NRCAM: variants seen among roughly 807,000 people sequenced by gnomAD.
The protein encoded by NRCAM is NgCAM-related cell adhesion molecule.
Under a neutral mutation model 156.5 loss-of-function variants are expected in NRCAM, and 83 were observed. That is an observed-to-expected ratio of 0.53 (90% CI 0.44 to 0.64). NRCAM has a LOEUF of 0.64. NRCAM is among the 30% of genes least tolerant of loss of function. The pLI is 0.00. For missense variants in NRCAM, 1,417 were observed against 1,597.3 expected (o/e 0.89, Z 1.92); for synonymous variants, 538 against 563.9 (o/e 0.95, Z 0.65).
chr7:108,289,208 C>A (rs1310339322), intron 3 of NRCAM, among the ~76,000 whole-genome samples: 1 of 152,064 alleles, frequency 6.6e-6, no homozygotes, highest in Non-Finnish European at 1.5e-5. Context: ...TAGATAAATT[C>A]TCTGCCTTTT....
intron 1 of NRCAM, among the ~76,000 whole-genome samples, chr7:108,409,101 T>G (rs149330604): frequency 6.6e-6 from 1 of 151,356 alleles, no homozygotes; most frequent in Non-Finnish European, 1.5e-5. Flanking sequence ...CCCAGAGGAG[T>G]GAGATTCACT....
chr7:108,295,743 C>T (rs1163629168), intron 3 of NRCAM, among the ~76,000 whole-genome samples: 8 of 152,120 alleles, frequency 5.3e-5, no homozygotes, highest in South Asian at 2.1e-4. Flanking sequence ...CTTTTGAGTC[C>T]GCAGATGTGA....
chr7:108,353,944 C>T (rs190257834), intron 2 of NRCAM, among the ~76,000 whole-genome samples: 2 of 152,322 alleles, frequency 1.3e-5, no homozygotes, highest in African/African-American at 4.8e-5. Context: ...CCACATGAGT[C>T]CAAGTGTGAT....
intron 30 of NRCAM, among the ~76,000 whole-genome samples, chr7:108,162,406 C>A (rs1283957079): frequency 2.0e-5 from 3 of 152,268 alleles, no homozygotes; most frequent in South Asian, 2.1e-4. Context: ...AACCAAAAAC[C>A]AAATGGCATT....
At chr7:108,261,674 A>G (rs2096894040) in intron 3 of NRCAM, among the ~76,000 whole-genome samples, 1 of 152,176 alleles carries the variant, frequency 6.6e-6, no homozygotes, top group South Asian at 2.1e-4. Context: ...CTCTTATTTC[A>G]GCCACAGCTG....
chr7:108,284,905 A>G (rs1227640951), intron 3 of NRCAM, among the ~76,000 whole-genome samples: 1 of 152,180 alleles, frequency 6.6e-6, no homozygotes, highest in Non-Finnish European at 1.5e-5. Context: ...ACTGGCACAT[A>G]ATTAGCACTC....
chr7:108,306,793 G>C (rs983078603), intron 3 of NRCAM, among the ~76,000 whole-genome samples: 12 of 152,212 alleles, frequency 7.9e-5, no homozygotes, highest in African/African-American at 2.7e-4. Context: ...TGGCCTGAAA[G>C]GAGTGGGTTT....
chr7:108,367,816 G>T (rs538774482), intron 2 of NRCAM, among the ~76,000 whole-genome samples: 6 of 152,218 alleles, frequency 3.9e-5, no homozygotes, highest in African/African-American at 1.4e-4. Context: ...CTCCAAAATG[G>T]TTGGAAAATG....
At chr7:108,211,809 T>C (rs919477978) in intron 11 of NRCAM, among the ~76,000 whole-genome samples, 2 of 151,952 alleles carry the variant, frequency 1.3e-5, no homozygotes, top group African/African-American at 4.8e-5. Context: ...TGAGGGGCCT[T>C]CTCTACCAAC....
chr7:108,280,307 A>G (rs190643544), intron 3 of NRCAM, among the ~76,000 whole-genome samples: 2 of 149,278 alleles, frequency 1.3e-5, no homozygotes, highest in African/African-American at 4.9e-5. Context: ...AAGAGGCTTC[A>G]TATGTGAGGT....
In NRCAM at chr7:108,226,454, C is replaced by T. The variant is rs115138275; in HGVS notation, c.551-76G>A. On this transcript the variant is annotated intron_variant, in intron 8 of 32. Transcript: ENST00000379028. ...CCTCCAAATTAGCAAGATAAATGTA[C>T]CTACTAATAGGTCTGTGAACTTCAT... 4.4e-3 allele frequency: 4,349 copies of T among 986,614 alleles called. 77 individuals carry two copies. The African/African-American group carries it at 0.047, about 11-fold the overall frequency. 61.1% of individuals were successfully genotyped at this position (986,614 alleles called of 1,614,324 possible).
chr7:108,330,980 A>T (rs2154247283), intron 2 of NRCAM, among the ~76,000 whole-genome samples: 1 of 152,318 alleles, frequency 6.6e-6, no homozygotes, highest in African/African-American at 2.4e-5. Flanking sequence ...CTTAGTATCC[A>T]TTTTAACCAT....
In NRCAM at chr7:108,190,279, A is replaced by G. The variant is rs115463975; in HGVS notation, c.1934-533T>C. On this transcript the variant is annotated intron_variant, in intron 19 of 32. Coordinates refer to ENST00000379028, the MANE Select transcript of NRCAM (RefSeq NM_001037132.4). ...GCTATGGAGGTAGCCCTCAGCATGCATAAGTGTGTTTACTCCCAGAGGACA... is the reference window on the plus strand; with the variant it reads ...GCTATGGAGGTAGCCCTCAGCATGCGTAAGTGTGTTTACTCCCAGAGGACA... 2.3e-3 allele frequency among the ~76,000 whole-genome samples: 350 copies of G among 152,344 alleles called. 1 individual carries two copies. The highest frequency in any genetic ancestry group is 8.1e-3 in the African/African-American group (335 of 41,584).
intron 2 of NRCAM, among the ~76,000 whole-genome samples, chr7:108,389,967 A>C (rs2099754259): frequency 6.6e-6 from 1 of 152,166 alleles, no homozygotes; most frequent in Non-Finnish European, 1.5e-5. Flanking sequence ...CCAGTATTTT[A>C]TTGAGGATTT....
intron 2 of NRCAM, among the ~76,000 whole-genome samples, chr7:108,345,973 G>T (rs992234139): frequency 6.6e-6 from 1 of 152,210 alleles, no homozygotes; most frequent in Non-Finnish European, 1.5e-5. Context: ...GGCTGTAGGA[G>T]CCTCTGATGG....
Position 108,318,335 on chromosome 7 carries a change from G to A in NRCAM, c.-173-5604C>T, listed in dbSNP as rs150949276. Among the ~76,000 whole-genome samples, 48 of 152,128 alleles carry A rather than the reference G, an allele frequency of 3.2e-4. No homozygotes were observed. In the East Asian group the frequency reaches 7.0e-3, roughly 22 times the overall value. On this transcript the variant is annotated intron_variant, in intron 2 of 32. Coordinates refer to ENST00000379028, the MANE Select transcript of NRCAM (RefSeq NM_001037132.4). Reference sequence around the variant, plus strand: ...GTTGGGATTACAGGTGTGAGCCCCCGCACCTGGCCAGAAATTCACTTTTCT... The same window carrying A: ...GTTGGGATTACAGGTGTGAGCCCCCACACCTGGCCAGAAATTCACTTTTCT...
intron 3 of NRCAM, among the ~76,000 whole-genome samples, chr7:108,245,350 C>A (rs11496133): frequency 0.055 from 8,401 of 152,202 alleles, 321 homozygotes; most frequent in Non-Finnish European, 0.078. Flanking sequence ...AAACCTCTAA[C>A]GGTTTCTGAA....
At chr7:108,342,298 G>A (rs903016833) in intron 2 of NRCAM, among the ~76,000 whole-genome samples, 4 of 152,190 alleles carry the variant, frequency 2.6e-5, no homozygotes. Context: ...CTCAGAACAG[G>A]CTAAATACTT....
At chr7:108,420,383 G>A (rs1350026542) in intron 1 of NRCAM, among the ~76,000 whole-genome samples, 2 of 152,124 alleles carry the variant, frequency 1.3e-5, no homozygotes, top group Admixed American at 6.6e-5. Flanking sequence ...GCTAAAAAAA[G>A]TCTGTGTGTT....
Sources: allele counts gnomAD v4.1 joint callset (sites outside exome capture counted in the v4.1 genomes callset), GRCh38; gene constraint gnomAD v4.1.1; transcripts MANE v1.5; gene names NCBI Gene and HGNC (gene_info 2026-07-23, HGNC 2026-07-21).